The following GATD1 variants were observed in gnomAD, a reference collection of about 807,000 sequenced individuals.
The protein encoded by GATD1 is glutamine amidotransferase class 1 domain containing 1, also known as glutamine amidotransferase-like class 1 domain-containing protein 1.
A neutral mutation model predicts 25.9 loss-of-function variants in GATD1; 23 were observed. The ratio of observed to expected loss-of-function variants is 0.89; its 90% CI spans 0.64 to 1.26. The LOEUF is 1.26. Ranked by LOEUF, GATD1 falls within the 50% of genes most tolerant of loss-of-function variation. GATD1 has a pLI of 0.00. For synonymous variants in GATD1, 177 were observed against 134.6 expected (o/e 1.31, Z -2.18); for missense variants, 347 against 312.5 (o/e 1.11, Z -0.83).
Position 769,370 on chromosome 11 carries a change from G to C in GATD1, c.*1527C>G. The C allele has an allele frequency of 1.1e-6, 1 of 892,928 alleles. No individual in the cohort carries two copies. Among genetic ancestry groups the C allele is most frequent in the Non-Finnish European group, 1.3e-6 (1 of 745,790 alleles). 55.3% of individuals were successfully genotyped at this position (892,928 alleles called of 1,614,324 possible). On this transcript the variant is annotated 3_prime_UTR_variant, in exon 8 of 8. Coordinates refer to ENST00000319863, the MANE Select transcript of GATD1 (RefSeq NM_182612.4). ...GGAGTTTCACTCATTGCCCAGGTTG[G>C]AGTGCAATGGCGCAATCTTGGCTCA...
rs746765993 is a variant in GATD1 at position 772,437 on chromosome 11, C to T, written c.440G>A (p.Ser147Asn). The change falls in exon 5 of 8, where the codon AGC (serine) becomes AAC (asparagine). Residue 147 changes from serine to asparagine, a missense_variant. By Grantham distance (46) the Ser-to-Asn change is conservative. Coordinates refer to ENST00000319863, the MANE Select transcript of GATD1 (RefSeq NM_182612.4). ...CCTCCAGACACTCACCCCTGTCAGG[C>T]TGTAGCTGTCGAACACCCAGGATCT... ...EDRSWVFDSY[S>N]LTGPSVCELV... 1.1e-5 allele frequency: 17 copies of T among 1,613,320 alleles called. No individual in the cohort carries two copies. Among genetic ancestry groups the T allele is most frequent in the Non-Finnish European group, 1.4e-5 (16 of 1,179,960 alleles).
chr11:773,921 G>T, intron 3 of GATD1, 87 bp downstream of exon 3: 1 of 1,178,918 alleles, frequency 8.5e-7, no homozygotes, highest in Non-Finnish European at 1.2e-6. Context: ...GAGCTAGGGA[G>T]CTCACTAAGA....
At position 777,464 on chromosome 11, in the gene GATD1, G is replaced by T; in HGVS notation, c.-2C>A. ...GTTAGGGAGCCGCTCGGACGCCATG[G>T]CTCGGGCTCGGCGCTGGGTCTGCGC... is the stretch of plus-strand genomic sequence containing the variant. On this transcript the variant is annotated 5_prime_UTR_variant, in exon 1 of 8. Coordinates refer to ENST00000319863, the MANE Select transcript of GATD1 (RefSeq NM_182612.4). 1 of 1,235,562 alleles carries T rather than the reference G, an allele frequency of 8.1e-7. No individual in the cohort carries two copies. The highest frequency in any genetic ancestry group is 1.0e-6 in the Non-Finnish European group (1 of 987,356). 76.5% of individuals were successfully genotyped at this position (1,235,562 alleles called of 1,614,324 possible). A position where few individuals can be genotyped will look rare whatever the true frequency, so the allele number is the denominator to read the frequency against.
chr11:773,693 G>T, intron 3 of GATD1, 64 bp from the exon 4 acceptor site: 1 of 1,262,714 alleles, frequency 7.9e-7, no homozygotes, highest in Non-Finnish European at 1.1e-6. Context: ...GCAGGACCAG[G>T]CCCGAGTGCG....
rs574773219 is a variant in GATD1 at position 770,928 on chromosome 11, G to A, written c.657-25C>T. On this transcript the variant is annotated intron_variant, in intron 7 of 7. Transcript: ENST00000319863. ...CCTGCAGGACAGACGTGTGGTCAAA[G>A]CTTGGGCAAAAGCACCGGGTGCAGC... is the stretch of plus-strand genomic sequence containing the variant. 3.1e-6 allele frequency: 5 copies of A among 1,612,696 alleles called. No individual in the cohort carries two copies. The South Asian group carries it at 4.4e-5, about 14-fold the overall frequency.
chr11:772,409 C>G lies in GATD1; in HGVS notation c.450+18G>C, dbSNP rs1204495186. On this transcript the variant is annotated intron_variant, in intron 5 of 7. Coordinates refer to ENST00000319863, the MANE Select transcript of GATD1 (RefSeq NM_182612.4). ...ACAGAGCAGGGAGCACAGCGTGCCTCGGCCTCCAGACACTCACCCCTGTCA... is the reference window on the plus strand; with the variant it reads ...ACAGAGCAGGGAGCACAGCGTGCCTGGGCCTCCAGACACTCACCCCTGTCA... 6.2e-7 allele frequency: 1 copy of G among 1,606,590 alleles called. No individual in the cohort carries two copies. The highest frequency in any genetic ancestry group is 2.2e-5 in the East Asian group (1 of 44,832).
At chr11:773,000 G>A (rs984429488) in intron 4 of GATD1, among the ~76,000 whole-genome samples, 4 of 152,244 alleles carry the variant, frequency 2.6e-5, no homozygotes, top group Non-Finnish European at 4.4e-5. Context: ...GTGTTCCCAC[G>A]GCTGAGGTGG....
chr11:773,197 C>A (rs574271918), intron 4 of GATD1: 3 of 342,434 alleles, frequency 8.8e-6, no homozygotes, highest in South Asian at 8.5e-5. Flanking sequence ...CCCCTGCTGG[C>A]CTTGAGCCCC....
rs1249925411 is a variant in GATD1, at chr11:768,971, C to G, written c.*1926G>C. 4.7e-6 allele frequency: 1 copy of G among 213,782 alleles called. No individual in the cohort carries two copies. The highest frequency in any genetic ancestry group is 1.9e-4 in the East Asian group (1 of 5,190). 13.2% of individuals were successfully genotyped at this position (213,782 alleles called of 1,614,324 possible). A position where few individuals can be genotyped will look rare whatever the true frequency, so the allele number is the denominator to read the frequency against. On this transcript the variant is annotated 3_prime_UTR_variant, in exon 8 of 8. Coordinates refer to ENST00000319863, the MANE Select transcript of GATD1 (RefSeq NM_182612.4). ...CAAAAATTAGCCAGGCGTGGTGGCG[C>G]ACACCTGTAATCCCAGCTACTCCGG...
At chr11:773,001 G>A (rs375041051) in intron 4 of GATD1, among the ~76,000 whole-genome samples, 4 of 152,226 alleles carry the variant, frequency 2.6e-5, no homozygotes, top group African/African-American at 9.6e-5. Context: ...TGTTCCCACG[G>A]CTGAGGTGGC....
rs192516259 is a variant in GATD1, at chr11:767,296, G to A, written c.*3601C>T. On this transcript the variant is annotated 3_prime_UTR_variant, in exon 8 of 8. Transcript: ENST00000319863. ...CTGGTATATGGGGAAATCCTCACCC[G>A]CCCTCCGCTGCTCTTCTGGAGGTCT... The A allele has an allele frequency of 1.7e-3, 2,600 of 1,536,142 alleles. 7 individuals are homozygous for A. Among genetic ancestry groups the A allele is most frequent in the South Asian group, 1.7e-3 (143 of 84,068 alleles).
intron 4 of GATD1, 114 bp from the exon 5 acceptor site, chr11:772,635 C>T: frequency 2.2e-6 from 2 of 927,270 alleles, no homozygotes; most frequent in Non-Finnish European, 3.3e-6. Flanking sequence ...CCTGGCCCCT[C>T]CTCCCAGGTT....
In GATD1 at chr11:777,381, C is replaced by A; in HGVS notation, c.64+18G>T. The A allele has an allele frequency of 7.7e-7, 1 of 1,294,380 alleles. No homozygotes were observed. The highest frequency in any genetic ancestry group is 9.8e-7 in the Non-Finnish European group (1 of 1,018,844). The allele number at this position is 1,294,380 out of a possible 1,614,324, so 80.2% of individuals were successfully genotyped here. A position where few individuals can be genotyped will look rare whatever the true frequency, so the allele number is the denominator to read the frequency against. ...CGCGGACGCTCTTCGGACACTGGCC[C>A]CGGCCGCCGGGCCTCACCTTCGGCG... On this transcript the variant is annotated intron_variant, in intron 1 of 7. Coordinates refer to ENST00000319863, the MANE Select transcript of GATD1 (RefSeq NM_182612.4).
chr11:767,314 G>A lies in GATD1; in HGVS notation c.*3583C>T. 1.3e-6 allele frequency: 2 copies of A among 1,536,234 alleles called. No individual in the cohort carries two copies. The highest frequency in any genetic ancestry group is 1.7e-6 in the Non-Finnish European group (2 of 1,146,932). On this transcript the variant is annotated 3_prime_UTR_variant, in exon 8 of 8. Coordinates refer to ENST00000319863, the MANE Select transcript of GATD1 (RefSeq NM_182612.4). ...CTCACCCGCCCTCCGCTGCTCTTCT[G>A]GAGGTCTGTCCTCTTGCTTTCCTCC...
chr11:772,558 G>A (rs371970931), intron 4 of GATD1, 37 bp from the exon 5 acceptor site: 19 of 1,579,498 alleles, frequency 1.2e-5, no homozygotes, highest in Middle Eastern at 3.3e-4. Flanking sequence ...CCTGGACCCC[G>A]CCACCCGCAC....
chr11:774,178 G>T lies in GATD1; in HGVS notation c.142-65C>A. ...GGATATCCCTGTCGGCTCAGAGGGA[G>T]CCTGAAAAAGCTGACAAGGGACCCA... On this transcript the variant is annotated intron_variant, in intron 2 of 7. Transcript: ENST00000319863. 2.8e-6 allele frequency: 4 copies of T among 1,416,654 alleles called. No homozygotes were observed. In the South Asian group the frequency reaches 4.7e-5, roughly 17 times the overall value. 87.8% of individuals were successfully genotyped at this position (1,416,654 alleles called of 1,614,324 possible).
chr11:775,317 A>G (rs2133645596), intron 1 of GATD1, among the ~76,000 whole-genome samples, 175 bp from the exon 2 acceptor site: 1 of 152,338 alleles, frequency 6.6e-6, no homozygotes, highest in East Asian at 1.9e-4. Flanking sequence ...CCACCCATTC[A>G]CGTCCAGGAG....
intron 1 of GATD1, chr11:777,015 C>G (rs1315678017): frequency 6.0e-6 from 1 of 167,516 alleles, no homozygotes; most frequent in Non-Finnish European, 1.3e-5. Flanking sequence ...CTCCCCACAC[C>G]CGGGCTCCCC....
At chr11:775,809 C>T (rs1863901722) in intron 1 of GATD1, among the ~76,000 whole-genome samples, 1 of 152,144 alleles carries the variant, frequency 6.6e-6, no homozygotes, top group South Asian at 2.1e-4. Flanking sequence ...CACACCCAAT[C>T]CAGAAGGCTC....
Sources: gnomAD v4.1 joint callset for allele counts (sites outside exome capture counted in the v4.1 genomes callset) on GRCh38, gnomAD v4.1.1 for gene constraint, MANE v1.5 for transcripts, NCBI Gene and HGNC (gene_info 2026-07-23, HGNC 2026-07-21) for gene names.